The following MMP16 variants were observed in gnomAD, a reference collection of about 807,000 sequenced individuals.
MMP16 encodes matrix metallopeptidase 16.
A neutral mutation model predicts 67.8 loss-of-function variants in MMP16; 12 were observed. The observed-to-expected ratio is 0.18, with a 90% confidence interval of 0.11 to 0.29. The LOEUF is 0.29. Among genes scored for constraint, MMP16 ranks in the 10% least tolerant of loss-of-function variants. The pLI, the probability that MMP16 is intolerant of heterozygous loss-of-function variation, is 1.00. For synonymous variants in MMP16, 249 were observed against 255.9 expected, an observed-to-expected ratio of 0.97 and a Z score of 0.26; for missense variants, 475 against 765.7, an observed-to-expected ratio of 0.62 and a Z score of 4.48.
At chr8:88,118,479 T>G (rs1166197295) in intron 5 of MMP16, among the ~76,000 whole-genome samples, 1 of 152,066 alleles carries the variant, frequency 6.6e-6, no homozygotes, top group African/African-American at 2.4e-5. Flanking sequence ...GTAAGAAAAT[T>G]TCATCAGTGC....
At chr8:88,282,365 G>T (rs1286892688) in intron 1 of MMP16, among the ~76,000 whole-genome samples, 1 of 152,166 alleles carries the variant, frequency 6.6e-6, no homozygotes, top group African/African-American at 2.4e-5. Context: ...GAGCCATGGC[G>T]CTCAGCCAAA....
intron 1 of MMP16, among the ~76,000 whole-genome samples, chr8:88,309,976 T>C (rs191053456): frequency 2.3e-4 from 35 of 152,216 alleles, no homozygotes; most frequent in African/African-American, 8.4e-4. Context: ...TATGCACCTT[T>C]TTCCTCATCC....
At chr8:88,117,916 A>G (rs769715838) in intron 5 of MMP16, among the ~76,000 whole-genome samples, 15 of 152,120 alleles carry the variant, frequency 9.9e-5, no homozygotes, top group Non-Finnish European at 1.6e-4. Context: ...AGTATAAAGC[A>G]TATTTGCTAT....
At chr8:88,250,998 A>T (rs182853972) in intron 1 of MMP16, among the ~76,000 whole-genome samples, 1 of 148,346 alleles carries the variant, frequency 6.7e-6, no homozygotes, top group Non-Finnish European at 1.5e-5. Context: ...TCATTGTTCA[A>T]TTCCCACCTA....
chr8:88,127,050 T>G (rs906935695), intron 4 of MMP16, among the ~76,000 whole-genome samples: 1 of 151,818 alleles, frequency 6.6e-6, no homozygotes, highest in Non-Finnish European at 1.5e-5. Context: ...TGGATCGCAG[T>G]AAGTAAAAAG....
intron 1 of MMP16, among the ~76,000 whole-genome samples, chr8:88,229,702 A>G (rs1454786839): frequency 6.6e-6 from 1 of 152,048 alleles, no homozygotes; most frequent in Admixed American, 6.6e-5. Context: ...ATTGTTAGAA[A>G]AAAAAAAGAC....
At chr8:88,141,252 T>C (rs946449781) in intron 4 of MMP16, among the ~76,000 whole-genome samples, 1 of 152,174 alleles carries the variant, frequency 6.6e-6, no homozygotes, top group Non-Finnish European at 1.5e-5. Context: ...CTCAGTAGAG[T>C]AGTCTAATAG....
At chr8:88,186,620 A>G in intron 2 of MMP16, 22 bp from the exon 3 acceptor site, 1 of 1,576,980 alleles carries the variant, frequency 6.3e-7, no homozygotes, top group Non-Finnish European at 8.6e-7. Flanking sequence ...AAAAAAAAAA[A>G]AAAAAAGCAG....
chr8:88,075,472 T>C (rs1211608099), intron 6 of MMP16, among the ~76,000 whole-genome samples: 3 of 151,810 alleles, frequency 2.0e-5, no homozygotes, highest in African/African-American at 7.3e-5. Context: ...ATAAAGTTGT[T>C]TAATTAATAA....
chr8:88,053,236 T>C (rs1419791323), intron 8 of MMP16, among the ~76,000 whole-genome samples: 1 of 152,172 alleles, frequency 6.6e-6, no homozygotes, highest in Non-Finnish European at 1.5e-5. Context: ...TGAGGGTATC[T>C]AGATTTTGGT....
chr8:88,156,690 C>G (rs190050451), intron 4 of MMP16, among the ~76,000 whole-genome samples: 5 of 151,920 alleles, frequency 3.3e-5, no homozygotes, highest in Admixed American at 2.0e-4. Context: ...ATCATTAATT[C>G]AGACCAATTG....
At chr8:88,280,787 AGAC>A (rs1810720971) in intron 1 of MMP16, among the ~76,000 whole-genome samples, 1 of 152,104 alleles carries the variant, frequency 6.6e-6, no homozygotes, top group Non-Finnish European at 1.5e-5. Flanking sequence ...CAGGAGGCTG[AGAC>A]AGGAGGACTG....
intron 7 of MMP16, among the ~76,000 whole-genome samples, chr8:88,067,939 A>C (rs907509209): frequency 6.6e-6 from 1 of 152,196 alleles, no homozygotes; most frequent in Non-Finnish European, 1.5e-5. Context: ...ACCAAGGGTA[A>C]AATGGCTGGA....
intron 4 of MMP16, among the ~76,000 whole-genome samples, chr8:88,142,540 T>C (rs1808229195): frequency 6.6e-6 from 1 of 152,124 alleles, no homozygotes; most frequent in African/African-American, 2.4e-5. Flanking sequence ...AATAATTTTC[T>C]AACTTCCAGT....
At chr8:88,120,015 A>G (rs2118439650) in intron 4 of MMP16, among the ~76,000 whole-genome samples, 1 of 152,148 alleles carries the variant, frequency 6.6e-6, no homozygotes, top group South Asian at 2.1e-4. Flanking sequence ...ACTCTGGAGT[A>G]GTCTGTCACA....
intron 1 of MMP16, among the ~76,000 whole-genome samples, chr8:88,312,265 A>C (rs1811306552): frequency 6.6e-6 from 1 of 152,202 alleles, no homozygotes; most frequent in Non-Finnish European, 1.5e-5. Context: ...CATGGCCCAA[A>C]GCTAAGCCTT....
At chr8:88,223,897 G>T (rs1416972564) in intron 1 of MMP16, among the ~76,000 whole-genome samples, 1 of 151,852 alleles carries the variant, frequency 6.6e-6, no homozygotes, top group African/African-American at 2.4e-5. Flanking sequence ...CTGAAAAGTG[G>T]GAGAGTTTCA....
rs548107987 is a variant in MMP16 at position 88,073,485 on chromosome 8, T to C, written c.1222+1120A>G. Among the ~76,000 whole-genome samples the C allele has an allele frequency of 2.6e-5, 4 of 152,282 alleles. No individual in the cohort carries two copies. In the South Asian group the frequency reaches 8.3e-4, roughly 32 times the overall value. On this transcript the variant is annotated intron_variant, in intron 7 of 9. Transcript: ENST00000286614. ...GAGGGAAAGAGAATTGAGTAGCTTG[T>C]TCAGCTGATACAGCTAGTAAGTGTT...
intron 1 of MMP16, among the ~76,000 whole-genome samples, chr8:88,283,427 A>T (rs757286880): frequency 6.6e-6 from 1 of 152,180 alleles, no homozygotes; most frequent in Non-Finnish European, 1.5e-5. Flanking sequence ...GTTTCCTTAT[A>T]TAGAGTATAA....
Sources: gnomAD v4.1 joint callset for allele counts (sites outside exome capture counted in the v4.1 genomes callset) on GRCh38, gnomAD v4.1.1 for gene constraint, MANE v1.5 for transcripts, NCBI Gene and HGNC (gene_info 2026-07-23, HGNC 2026-07-21) for gene names.